The following RAD17 variants were observed in gnomAD, a reference collection of about 807,000 sequenced individuals.
RAD17 encodes the protein RAD17 checkpoint clamp loader component, also known as cell cycle checkpoint protein RAD17.
A neutral mutation model predicts 81.5 loss-of-function variants in RAD17; 31 were observed. The observed-to-expected ratio is 0.38, with a 90% CI of 0.29 to 0.51. The LOEUF is 0.51. Ranked by LOEUF, RAD17 falls within the 20% of genes least tolerant of loss-of-function variation. The pLI, the probability that RAD17 is intolerant of heterozygous loss-of-function variation, is 0.88. For synonymous variants in RAD17, 261 were observed against 266.2 expected (o/e 0.98, Z 0.19); for missense variants, 681 against 781.2 (o/e 0.87, Z 1.53).
chr5:69,401,219 A>G (rs1765245386), intron 17 of RAD17, among the ~76,000 whole-genome samples: 1 of 152,150 alleles, frequency 6.6e-6, no homozygotes, highest in African/African-American at 2.4e-5. Context: ...AAAAAGAAAA[A>G]AGTTTCTAAA....
intron 5 of RAD17, among the ~76,000 whole-genome samples, 173 bp from the exon 6 acceptor site, chr5:69,374,455 T>G (rs1266684081): frequency 6.6e-6 from 1 of 152,198 alleles, no homozygotes; most frequent in South Asian, 2.1e-4. Context: ...AAGAATATAA[T>G]TTTTCCATAA....
chr5:69,397,124 G>A lies in RAD17; in HGVS notation c.1572+578G>A, dbSNP rs1002874459. 2.6e-5 allele frequency among the ~76,000 whole-genome samples: 4 copies of A among 151,984 alleles called. No homozygotes were observed. In the South Asian group the frequency reaches 6.2e-4, roughly 24 times the overall value. On this transcript the variant is annotated intron_variant, in intron 16 of 18. Coordinates refer to ENST00000354868, the MANE Select transcript of RAD17 (RefSeq NM_133338.3). ...TGGGATTACAAATGTGAGACACCATGCTCGGCCATATTTTATTTTTTATTT... is the reference window on the plus strand; with the variant it reads ...TGGGATTACAAATGTGAGACACCATACTCGGCCATATTTTATTTTTTATTT...
upstream of RAD17, chr5:69,369,422 A>C: frequency 2.5e-6 from 4 of 1,603,494 alleles, no homozygotes; most frequent in Non-Finnish European, 3.4e-6. Flanking sequence ...CTGCGCCCCC[A>C]GCCTGCCCCA....
intron 17 of RAD17, among the ~76,000 whole-genome samples, chr5:69,405,122 C>T (rs553218650): frequency 2.6e-5 from 4 of 152,266 alleles, no homozygotes; most frequent in African/African-American, 9.6e-5. Flanking sequence ...CAAACGTTGG[C>T]TAGGGTGTGG....
intron 16 of RAD17, among the ~76,000 whole-genome samples, chr5:69,398,431 C>T (rs1765037636): frequency 6.6e-6 from 1 of 152,112 alleles, no homozygotes; most frequent in Non-Finnish European, 1.5e-5. Flanking sequence ...AAATGGGAGG[C>T]ACACAAGTTG....
At chr5:69,408,371 G>C (rs986716110) in intron 17 of RAD17, among the ~76,000 whole-genome samples, 3 of 152,076 alleles carry the variant, frequency 2.0e-5, no homozygotes, top group African/African-American at 7.2e-5. Flanking sequence ...CCTCTTCAGA[G>C]AGCTCATCCT....
chr5:69,386,572 A>T lies in RAD17; in HGVS notation c.894+107A>T, dbSNP rs895512879. On this transcript the variant is annotated intron_variant, in intron 11 of 18. Coordinates refer to ENST00000354868, the MANE Select transcript of RAD17 (RefSeq NM_133338.3). ...TATTTTAATTTTTTAGAATTAAAACATTTTATTATACTCATAAGGCATGTC... is the reference window on the plus strand; with the variant it reads ...TATTTTAATTTTTTAGAATTAAAACTTTTTATTATACTCATAAGGCATGTC... The T allele has an allele frequency of 3.9e-5, 48 of 1,237,574 alleles. No individual in the cohort carries two copies. In the African/African-American group the frequency reaches 7.2e-4, roughly 18 times the overall value. 76.7% of individuals were successfully genotyped at this position (1,237,574 alleles called of 1,614,324 possible). A position where few individuals can be genotyped will look rare whatever the true frequency, so the allele number is the denominator to read the frequency against.
Position 69,371,503 on chromosome 5 carries a change from A to G in RAD17, c.-230A>G. 7.4e-7 allele frequency: 1 copy of G among 1,350,462 alleles called. No individual in the cohort carries two copies. The highest frequency in any genetic ancestry group is 1.6e-5 in the African/African-American group (1 of 63,050). The allele number at this position is 1,350,462 out of a possible 1,614,324, so 83.7% of individuals were successfully genotyped here. A position where few individuals can be genotyped will look rare whatever the true frequency, so the allele number is the denominator to read the frequency against. ...AAGTCCTAAACTACGGATGGGAACT[A>G]TTACAGTTTATAATGTCAAAAACTT... is the stretch of plus-strand genomic sequence containing the variant. On this transcript the variant is annotated 5_prime_UTR_variant, in exon 3 of 19. Transcript: ENST00000354868.
chr5:69,371,445 C>CT lies in RAD17; in HGVS notation c.-279-9_-279-8insT. On this transcript the variant is annotated splice_polypyrimidine_tract_variant and intron_variant, in intron 2 of 18. Transcript: ENST00000354868. ...TCATTTGAGGGCTTCTTCCCCCCCC[C>CT]CCCCCCAGGTGAATTATAGTTTAAT... The CT allele has an allele frequency of 1.9e-6, 1 of 524,244 alleles. No individual in the cohort carries two copies. Among genetic ancestry groups the CT allele is most frequent in the South Asian group, 3.7e-5 (1 of 26,806 alleles). The allele number at this position is 524,244 out of a possible 1,614,324, so 32.5% of individuals were successfully genotyped here.
At chr5:69,381,405 C>T (rs889539539) in intron 6 of RAD17, among the ~76,000 whole-genome samples, 12 of 151,644 alleles carry the variant, frequency 7.9e-5, no homozygotes, top group East Asian at 3.9e-4. Flanking sequence ...GGCGTGAACC[C>T]GGGAGGCGGA....
At chr5:69,410,302 C>T (rs1018530948) in intron 17 of RAD17, among the ~76,000 whole-genome samples, 191 bp from the exon 18 acceptor site, 1 of 152,172 alleles carries the variant, frequency 6.6e-6, no homozygotes, top group Non-Finnish European at 1.5e-5. Context: ...TTCTCCACAT[C>T]CTTACCCACA....
At chr5:69,374,219 G>T in intron 5 of RAD17, 132 bp downstream of exon 5, 1 of 805,276 alleles carries the variant, frequency 1.2e-6, no homozygotes, top group Admixed American at 3.1e-5. Flanking sequence ...AAAAAATTCT[G>T]GATTTTTTTA....
At chr5:69,376,658 A>G (rs374079340) in intron 6 of RAD17, among the ~76,000 whole-genome samples, 130 of 152,282 alleles carry the variant, frequency 8.5e-4, no homozygotes, top group African/African-American at 3.0e-3. Flanking sequence ...ACACATCACT[A>G]ACACCCAGAG....
At chr5:69,413,464 C>A (rs1190312661) in intron 18 of RAD17, among the ~76,000 whole-genome samples, 1 of 152,132 alleles carries the variant, frequency 6.6e-6, no homozygotes, top group Non-Finnish European at 1.5e-5. Context: ...AAGAAAAATT[C>A]TTTACTGAAG....
Position 69,393,207 on chromosome 5 carries a change from A to C in RAD17, c.1242A>C (p.Glu414Asp), listed in dbSNP as rs746589533. 8 of 1,612,080 alleles carry C rather than the reference A, an allele frequency of 5.0e-6. No individual in the cohort carries two copies. The highest frequency in any genetic ancestry group is 5.9e-6 in the Non-Finnish European group (7 of 1,178,568). The change falls in exon 14 of 19, where the codon GAA becomes GAC. Residue 414 changes from glutamate to aspartate, a missense_variant. Glu to Asp is a conservative substitution (Grantham distance 45). Coordinates refer to ENST00000354868, the MANE Select transcript of RAD17 (RefSeq NM_133338.3). ...DSPRLPSHLS[E>D]YERDTLLVEP... Reference sequence around the variant, plus strand: ...CTCGGTTGCCCTCTCATTTATCAGAATATGAACGGGATACATTACTTGTTG... The same window carrying C: ...CTCGGTTGCCCTCTCATTTATCAGACTATGAACGGGATACATTACTTGTTG...
At chr5:69,401,926 C>T (rs1398967658) in intron 17 of RAD17, among the ~76,000 whole-genome samples, 1 of 138,926 alleles carries the variant, frequency 7.2e-6, no homozygotes, top group African/African-American at 2.6e-5. Context: ...ATGGCATGAA[C>T]CTGGGAGGCG....
At chr5:69,370,774 G>A (rs1360707981) in intron 1 of RAD17, 1 of 158,950 alleles carries the variant, frequency 6.3e-6, no homozygotes, top group African/African-American at 2.4e-5. Flanking sequence ...TGAACAATGT[G>A]TTTTCTAGTG....
intron 18 of RAD17, among the ~76,000 whole-genome samples, chr5:69,412,020 G>A (rs138269600): frequency 3.3e-5 from 5 of 152,024 alleles, no homozygotes; most frequent in Non-Finnish European, 5.9e-5. Flanking sequence ...GCAGTAGCAC[G>A]ATCTCGGCTC....
upstream of RAD17, chr5:69,369,465 G>T (rs748322598): frequency 6.2e-7 from 1 of 1,610,788 alleles, no homozygotes; most frequent in South Asian, 1.1e-5. Flanking sequence ...GCCCTGACCG[G>T]TGAGCAGGAT....
Sources: gnomAD v4.1 joint callset for allele counts (sites outside exome capture counted in the v4.1 genomes callset) on GRCh38, gnomAD v4.1.1 for gene constraint, MANE v1.5 for transcripts, NCBI Gene and HGNC (gene_info 2026-07-23, HGNC 2026-07-21) for gene names.